Variants in RUFY3 observed in about 807,000 individuals in gnomAD.
The protein encoded by RUFY3 is RUN and FYVE domain containing 3, also known as protein RUFY3.
Under a neutral mutation model 84.0 loss-of-function variants are expected in RUFY3, and 34 were observed. The observed-to-expected ratio is 0.40, with a 90% CI of 0.31 to 0.54. RUFY3 has a LOEUF of 0.54. RUFY3 is among the 20% of genes least tolerant of loss of function. The pLI, the probability that RUFY3 is intolerant of heterozygous loss-of-function variation, is 0.39. For synonymous variants in RUFY3, 242 were observed against 252.9 expected (o/e 0.96, Z 0.41); for missense variants, 507 against 736.8 (o/e 0.69, Z 3.61).
At chr4:70,774,767 A>G (rs530769825) in intron 6 of RUFY3, among the ~76,000 whole-genome samples, 32 of 150,676 alleles carry the variant, frequency 2.1e-4, no homozygotes, top group African/African-American at 7.5e-4. Context: ...GAGAACAGCT[A>G]TATTACATCA....
At chr4:70,787,990 A>G (rs959569896) in intron 10 of RUFY3, among the ~76,000 whole-genome samples, 9 of 152,134 alleles carry the variant, frequency 5.9e-5, no homozygotes, top group Non-Finnish European at 8.8e-5. Flanking sequence ...TAAGTGAACT[A>G]AAAATTCTGT....
chr4:70,797,587 G>A (rs1427227861), intron 14 of RUFY3, among the ~76,000 whole-genome samples: 1 of 152,180 alleles, frequency 6.6e-6, no homozygotes, highest in Non-Finnish European at 1.5e-5. Flanking sequence ...GCTCACACCT[G>A]TAATCCCAGC....
intron 12 of RUFY3, chr4:70,791,666 C>T (rs1187509996): frequency 1.6e-5 from 16 of 1,025,888 alleles, no homozygotes; most frequent in Non-Finnish European, 1.5e-5. Flanking sequence ...ACCAGATTCT[C>T]GGTGCATTGT....
chr4:70,797,829 C>T (rs894652474), intron 14 of RUFY3, among the ~76,000 whole-genome samples: 2 of 151,008 alleles, frequency 1.3e-5, no homozygotes, highest in Non-Finnish European at 3.0e-5. Flanking sequence ...GGTGACAGAT[C>T]AAGACTCCAT....
At chr4:70,780,579 C>T (rs1344535941) in intron 8 of RUFY3, among the ~76,000 whole-genome samples, 7 of 152,330 alleles carry the variant, frequency 4.6e-5, no homozygotes, top group East Asian at 3.9e-4. Context: ...AGGCATGAGC[C>T]GCCGTACCCA....
chr4:70,775,475 C>T lies in RUFY3; in HGVS notation c.824+242C>T, dbSNP rs577027101. ...TATAATAACATAGTATATAATATTA[C>T]GTATGTAATTATAACTCTAGTGATT... is the stretch of plus-strand genomic sequence containing the variant. On this transcript the variant is annotated intron_variant, in intron 7 of 17. Coordinates refer to ENST00000381006, the MANE Select transcript of RUFY3 (RefSeq NM_001037442.4). Among the ~76,000 whole-genome samples, 126 of 151,100 alleles carry T rather than the reference C, an allele frequency of 8.3e-4. 1 individual carries two copies. The highest frequency in any genetic ancestry group is 1.6e-3 in the Non-Finnish European group (110 of 67,832).
In RUFY3 at chr4:70,783,160, T is replaced by A; in HGVS notation, c.964T>A (p.Tyr322Asn). ...GGAACGAGTTAAAGAGGAAAGTTCC[T>A]ACATACTGGAATCCAATCGGAAGGT... ...EMERVKEESS[Y>N]ILESNRKGPK... Residue 322 changes from tyrosine to asparagine, a missense_variant, in exon 9 of 18, where the codon TAC becomes AAC. Around this residue, in one of 4 missense-constraint regions of RUFY3, gnomAD observed 334 missense variants for 364.1 expected, o/e 0.92. Coordinates refer to ENST00000381006, the MANE Select transcript of RUFY3 (RefSeq NM_001037442.4). The A allele has an allele frequency of 6.2e-7, 1 of 1,605,808 alleles. No individual in the cohort carries two copies. Among genetic ancestry groups the A allele is most frequent in the Non-Finnish European group, 8.5e-7 (1 of 1,172,828 alleles).
Position 70,807,939 on chromosome 4 carries a change from T to C in RUFY3, c.*1280T>C, listed in dbSNP as rs542305331. On this transcript the variant is annotated 3_prime_UTR_variant, in exon 18 of 18. Coordinates refer to ENST00000381006, the MANE Select transcript of RUFY3 (RefSeq NM_001037442.4). Reference sequence around the variant, plus strand: ...TGAAAAGGGCAATACAGTCATCCCTTGGTATCCATGGGGGATTGGTTCCAG... The same window carrying C: ...TGAAAAGGGCAATACAGTCATCCCTCGGTATCCATGGGGGATTGGTTCCAG... 6.6e-6 allele frequency among the ~76,000 whole-genome samples: 1 copy of C among 152,248 alleles called. No homozygotes were observed. Among genetic ancestry groups the C allele is most frequent in the East Asian group, 1.9e-4 (1 of 5,188 alleles).
intron 1 of RUFY3, among the ~76,000 whole-genome samples, chr4:70,731,968 T>A (rs1225880359): frequency 6.6e-6 from 1 of 152,224 alleles, no homozygotes. Context: ...TCTCATGCCC[T>A]TCTTTGGATG....
At chr4:70,710,283 ATG>A (rs1740824941) in intron 1 of RUFY3, among the ~76,000 whole-genome samples, 1 of 151,504 alleles carries the variant, frequency 6.6e-6, no homozygotes, top group South Asian at 2.1e-4. Flanking sequence ...TAGATTGTAT[ATG>A]TGTTTGTGTA....
At chr4:70,736,169 A>C (rs1249139288) in intron 1 of RUFY3, among the ~76,000 whole-genome samples, 1 of 151,532 alleles carries the variant, frequency 6.6e-6, no homozygotes, top group African/African-American at 2.4e-5. Context: ...AAAAAAAAAA[A>C]GAAAAGAAAA....
At chr4:70,763,322 A>T (rs1725341249) in intron 2 of RUFY3, among the ~76,000 whole-genome samples, 1 of 152,150 alleles carries the variant, frequency 6.6e-6, no homozygotes, top group African/African-American at 2.4e-5. Flanking sequence ...ATTATATTAT[A>T]GGGCTAGGCC....
At chr4:70,749,657 CTTT>C (rs537416557) in intron 1 of RUFY3, among the ~76,000 whole-genome samples, 13 of 132,080 alleles carry the variant, frequency 9.8e-5, no homozygotes, top group Admixed American at 2.3e-4. Flanking sequence ...CTTGTCTTGT[CTTT>C]TTTTTTTTTT....
intron 1 of RUFY3, among the ~76,000 whole-genome samples, chr4:70,724,747 G>T (rs1466093628): frequency 2.0e-5 from 3 of 152,040 alleles, no homozygotes; most frequent in African/African-American, 7.3e-5. Flanking sequence ...TGAAAATAAA[G>T]AAAGCATAGT....
intron 10 of RUFY3, among the ~76,000 whole-genome samples, chr4:70,787,188 ATATATATATATATATATATAT>A (rs1730000888): frequency 8.1e-5 from 5 of 61,418 alleles, no homozygotes; most frequent in African/African-American, 3.3e-4. Flanking sequence ...AAAAAAAAAA[ATATATATATATATATATATAT>A]ATATAAAAAC....
chr4:70,704,875 C>T (rs1560425225), exon 1 of RUFY3: 1 of 1,110,414 alleles, frequency 9.0e-7, no homozygotes, highest in Non-Finnish European at 1.1e-6. Flanking sequence ...TCGCCCTGAC[C>T]CTCTGCTCCC....
intron 14 of RUFY3, among the ~76,000 whole-genome samples, chr4:70,797,768 G>A (rs560440969): frequency 1.4e-4 from 22 of 152,048 alleles, no homozygotes; most frequent in East Asian, 9.7e-4. Flanking sequence ...GGTTGAACCC[G>A]GGAGGCGGAG....
chr4:70,742,392 C>CTTTG (rs1311940582), intron 1 of RUFY3, among the ~76,000 whole-genome samples: 1 of 152,144 alleles, frequency 6.6e-6, no homozygotes, highest in Non-Finnish European at 1.5e-5. Context: ...AGCACACACC[C>CTTTG]CTGACACACA....
chr4:70,780,033 TACTCA>T (rs1002089279), intron 8 of RUFY3, among the ~76,000 whole-genome samples: 13 of 152,318 alleles, frequency 8.5e-5, no homozygotes, highest in African/African-American at 2.6e-4. Flanking sequence ...CCTTTTTTAT[TACTCA>T]ACTCTGTGAC....
Sources: allele counts gnomAD v4.1 joint callset (sites outside exome capture counted in the v4.1 genomes callset), GRCh38; gene constraint gnomAD v4.1.1; regional missense constraint gnomAD v4.1.1; transcripts MANE v1.5; gene names NCBI Gene and HGNC (gene_info 2026-07-23, HGNC 2026-07-21).